IFT88: variants seen among roughly 807,000 people sequenced by gnomAD.
IFT88 encodes the protein intraflagellar transport 88, also known as intraflagellar transport protein 88 homolog.
In IFT88, 74 loss-of-function variants were observed where a neutral mutation model predicts 119.5. The ratio of observed to expected loss-of-function variants is 0.62; its 90% CI spans 0.51 to 0.75. The LOEUF is 0.75. IFT88 is among the 30% of genes least tolerant of loss of function. The pLI, the probability that IFT88 is intolerant of heterozygous loss-of-function variation, is 0.00. For synonymous variants in IFT88, 279 were observed against 316.7 expected, an observed-to-expected ratio of 0.88 and a Z score of 1.26; for missense variants, 961 against 977.7, an observed-to-expected ratio of 0.98 and a Z score of 0.23.
intron 7 of IFT88, among the ~76,000 whole-genome samples, chr13:20,594,699 G>A (rs1023921627): frequency 2.0e-5 from 3 of 152,108 alleles, no homozygotes; most frequent in African/African-American, 7.2e-5. Flanking sequence ...CAGACAACTA[G>A]AAAATAGAAT....
chr13:20,627,602 G>A (rs1399223499), intron 15 of IFT88, among the ~76,000 whole-genome samples: 1 of 151,870 alleles, frequency 6.6e-6, no homozygotes, highest in African/African-American at 2.4e-5. Context: ...GTGGTGGCAT[G>A]CGCCTGTAGT....
At position 20,643,593 on chromosome 13, in the gene IFT88, A is replaced by G. The variant is rs1269714076; in HGVS notation, c.1821A>G (p.Gln607=). The change falls in exon 19 of 26, where the codon CAA becomes CAG. Residue 607 remains glutamine, a synonymous_variant. Coordinates refer to ENST00000351808, the MANE Select transcript of IFT88 (RefSeq NM_006531.5). ...AAGGAGATAAATCTCAAGCATTTCA[A>G]TATTACTATGAGGTAGGTGTGTTAT... ...DREGDKSQAF[Q]YYYESYRYFP... 2.5e-6 allele frequency: 4 copies of G among 1,600,726 alleles called. No individual in the cohort carries two copies. Among genetic ancestry groups the G allele is most frequent in the South Asian group, 1.1e-5 (1 of 89,134 alleles).
intron 7 of IFT88, among the ~76,000 whole-genome samples, chr13:20,594,269 C>T (rs188338686): frequency 6.6e-6 from 1 of 152,098 alleles, no homozygotes; most frequent in African/African-American, 2.4e-5. Flanking sequence ...AGTTCAAAAT[C>T]TCCATGTAAC....
intron 24 of IFT88, among the ~76,000 whole-genome samples, chr13:20,686,245 A>G (rs1483461634): frequency 6.6e-6 from 1 of 152,258 alleles, no homozygotes; most frequent in East Asian, 1.9e-4. Context: ...GTGAATAATA[A>G]TCATCACACA....
intron 20 of IFT88, among the ~76,000 whole-genome samples, chr13:20,648,393 C>T (rs934115527): frequency 1.3e-5 from 2 of 152,030 alleles, no homozygotes; most frequent in African/African-American, 4.8e-5. Flanking sequence ...GAGACTCCAT[C>T]TCAATAAGTA....
intron 22 of IFT88, 99 bp downstream of exon 22, chr13:20,656,529 A>G (rs1039750589): frequency 4.4e-6 from 2 of 451,418 alleles, no homozygotes; most frequent in Admixed American, 8.3e-5. Context: ...ATACGTAAAT[A>G]CCAACCTATA....
chr13:20,622,453 A>G (rs1220949570), intron 14 of IFT88, among the ~76,000 whole-genome samples: 1 of 152,214 alleles, frequency 6.6e-6, no homozygotes, highest in Non-Finnish European at 1.5e-5. Flanking sequence ...TTAGCAATAG[A>G]TGAGAATTTC....
chr13:20,660,845 G>C (rs2053663374), intron 22 of IFT88, among the ~76,000 whole-genome samples: 1 of 152,148 alleles, frequency 6.6e-6, no homozygotes, highest in Non-Finnish European at 1.5e-5. Flanking sequence ...ATGTCCAAGA[G>C]GATGTATTAA....
intron 21 of IFT88, 22 bp from the exon 22 acceptor site, chr13:20,656,342 AT>A: frequency 1.8e-6 from 2 of 1,111,960 alleles, no homozygotes; most frequent in Non-Finnish European, 2.6e-6. Flanking sequence ...TTGCTAATAT[AT>A]TTTTCTCTTG....
At chr13:20,607,915 G>T (rs1237591099) in intron 13 of IFT88, 2 of 676,454 alleles carry the variant, frequency 3.0e-6, no homozygotes, top group Admixed American at 3.7e-5. Context: ...CATCCTCGGG[G>T]TCTTCCTCTA....
Position 20,605,080 on chromosome 13 carries a change from C to T in IFT88, c.1087C>T (p.His363Tyr). Residue 363 changes from histidine (H) to tyrosine (Y), a missense_variant, in exon 13 of 26, where the codon CAC becomes TAC. By Grantham distance (83) the His-to-Tyr change is moderately conservative (BLOSUM62 2). Coordinates refer to ENST00000351808, the MANE Select transcript of IFT88 (RefSeq NM_006531.5). The part of the protein sequence containing the change: ...NLVTEAIKND[H>Y]LRQMERERKA... ...AGTAACTGAAGCTATAAAAAATGATCACCTCAGGCAAATGGAACGTGAAAG... is the reference window on the plus strand; with the variant it reads ...AGTAACTGAAGCTATAAAAAATGATTACCTCAGGCAAATGGAACGTGAAAG... The T allele has an allele frequency of 3.3e-6, 5 of 1,496,492 alleles. No individual in the cohort carries two copies. The highest frequency in any genetic ancestry group is 3.5e-4 in the Middle Eastern group (2 of 5,758). 92.7% of individuals were successfully genotyped at this position (1,496,492 alleles called of 1,614,324 possible).
Position 20,591,694 on chromosome 13 carries a change from G to A in IFT88, c.328+13G>A. On this transcript the variant is annotated intron_variant, in intron 6 of 25. Coordinates refer to ENST00000351808, the MANE Select transcript of IFT88 (RefSeq NM_006531.5). Reference sequence around the variant, plus strand: ...GCAGCTTTGAGAGGTTTGTTACACTGTCTCTACTAATAATCTTTTTTGGAT... The same window carrying A: ...GCAGCTTTGAGAGGTTTGTTACACTATCTCTACTAATAATCTTTTTTGGAT... 1 of 1,567,990 alleles carries A rather than the reference G, an allele frequency of 6.4e-7. No homozygotes were observed. The highest frequency in any genetic ancestry group is 8.8e-7 in the Non-Finnish European group (1 of 1,140,206).
At chr13:20,627,496 G>A (rs1028805056) in intron 15 of IFT88, among the ~76,000 whole-genome samples, 10 of 152,112 alleles carry the variant, frequency 6.6e-5, no homozygotes, top group Admixed American at 5.9e-4. Flanking sequence ...TTGGGAGGCC[G>A]AGGCAGGTGG....
intron 9 of IFT88, among the ~76,000 whole-genome samples, chr13:20,597,713 CAG>C (rs1320734260): frequency 4.0e-5 from 6 of 150,448 alleles, no homozygotes; most frequent in Non-Finnish European, 7.4e-5. Context: ...CACCACACTC[CAG>C]AGCCTGGGCG....
At chr13:20,623,587 G>T (rs2046863895) in intron 14 of IFT88, among the ~76,000 whole-genome samples, 1 of 152,140 alleles carries the variant, frequency 6.6e-6, no homozygotes, top group African/African-American at 2.4e-5. Context: ...CCATTCTCCT[G>T]CCTCAGCCTC....
At chr13:20,626,043 CTTTTTTTTTTTTTTTTTTTTTTT>C (rs528587128) in intron 15 of IFT88, among the ~76,000 whole-genome samples, 194 bp downstream of exon 15, 3 of 39,540 alleles carry the variant, frequency 7.6e-5, no homozygotes, top group African/African-American at 2.3e-4. Flanking sequence ...TTTGTCGTTT[CTTTTTTTTTTTTTTTTTTTTTTT>C]TTTTTTTTTT....
At chr13:20,632,156 A>T (rs1252767371) in intron 16 of IFT88, 1 of 151,920 alleles carries the variant, frequency 6.6e-6, no homozygotes, top group Non-Finnish European at 1.5e-5. Flanking sequence ...AAAAAAAAAA[A>T]AATTGTAGAT....
At chr13:20,663,119 A>G (rs1004535744) in intron 22 of IFT88, 1 of 447,444 alleles carries the variant, frequency 2.2e-6, no homozygotes, top group Non-Finnish European at 3.6e-6. Flanking sequence ...TGATTATTAT[A>G]TGTATAAACT....
intron 11 of IFT88, among the ~76,000 whole-genome samples, chr13:20,601,023 T>C (rs562670505): frequency 6.4e-4 from 98 of 152,200 alleles, no homozygotes; most frequent in African/African-American, 2.3e-3. Context: ...TATCACAAAT[T>C]GTATGACTCC....
Sources: allele counts gnomAD v4.1 joint callset (sites outside exome capture counted in the v4.1 genomes callset), GRCh38; gene constraint gnomAD v4.1.1; transcripts MANE v1.5; gene names NCBI Gene and HGNC (gene_info 2026-07-23, HGNC 2026-07-21).